Variants in APBB1 observed in about 807,000 individuals in gnomAD.
APBB1 encodes the protein amyloid beta precursor protein binding family B member 1.
In APBB1, 22 loss-of-function variants were observed where a neutral mutation model predicts 78.4. The ratio of observed to expected loss-of-function variants is 0.28; its 90% CI spans 0.20 to 0.40. APBB1 has a LOEUF of 0.40. Ranked by LOEUF, APBB1 falls within the 10% of genes least tolerant of loss-of-function variation. The pLI is 1.00. For synonymous variants in APBB1, 369 were observed against 372.7 expected, an observed-to-expected ratio of 0.99 and a Z score of 0.12; for missense variants, 749 against 932.4, an observed-to-expected ratio of 0.80 and a Z score of 2.56.
In APBB1 at chr11:6,411,060, C is replaced by T. The variant is rs768511013; in HGVS notation, c.288G>A (p.Ala96=). The change falls in exon 2 of 15, where the codon GCG becomes GCA. Residue 96 remains alanine (A), a synonymous_variant. Coordinates refer to ENST00000609360, the MANE Select transcript of APBB1 (RefSeq NM_001164.5). This position sits in a 1 kb window ranked among gnomAD's most constrained non-coding sequence, Gnocchi z 5.2. The part of the protein sequence containing the change: ...DQNRNVTLTL[A]EEASQEPEMA... ...TCTCAGGCTCCTGGCTGGCCTCCTC[C>T]GCCAAGGTCAAGGTCACATTGCGAT... 28 of 1,613,842 alleles carry T rather than the reference C, an allele frequency of 1.7e-5. No homozygotes were observed. Among genetic ancestry groups the T allele is most frequent in the Middle Eastern group, 1.6e-4 (1 of 6,084 alleles).
chr11:6,411,130 C>T lies in APBB1; in HGVS notation c.218G>A (p.Gly73Asp). Residue 73 changes from glycine (G) to aspartate (D), a missense_variant, in exon 2 of 15, where the codon GGC (glycine) becomes GAC (aspartate). Transcript: ENST00000609360. This position sits in a 1 kb window ranked among gnomAD's most constrained non-coding sequence, Gnocchi z 5.2. Reference protein sequence around the residue: ...GPANAKWLKEGQNQLRRAATA... With the variant: ...GPANAKWLKEDQNQLRRAATA... ...GGCGGCCCGCCGGAGCTGGTTCTGGCCCTCTTTTAGCCACTTGGCATTGGC... is the reference window on the plus strand; with the variant it reads ...GGCGGCCCGCCGGAGCTGGTTCTGGTCCTCTTTTAGCCACTTGGCATTGGC... 1 of 1,611,302 alleles carries T rather than the reference C, an allele frequency of 6.2e-7. No homozygotes were observed. Among genetic ancestry groups the T allele is most frequent in the Non-Finnish European group, 8.5e-7 (1 of 1,179,974 alleles).
chr11:6,403,612 C>G lies in APBB1; in HGVS notation c.897+35G>C, dbSNP rs1484061792. ...CTCCAGCAGCACACACTCCCTCCAC[C>G]CCTGGCCCAAAATCAACAGGCCTGT... On this transcript the variant is annotated intron_variant, in intron 3 of 14. Coordinates refer to ENST00000609360, the MANE Select transcript of APBB1 (RefSeq NM_001164.5). This position sits in a 1 kb window ranked among gnomAD's most constrained non-coding sequence, Gnocchi z 5.3. 6.2e-7 allele frequency: 1 copy of G among 1,613,202 alleles called. No individual in the cohort carries two copies. Among genetic ancestry groups the G allele is most frequent in the Admixed American group, 1.7e-5 (1 of 59,980 alleles).
chr11:6,401,864 G>A lies in APBB1; in HGVS notation c.1388+113C>T, dbSNP rs761493238. The A allele has an allele frequency of 4.7e-6, 7 of 1,482,726 alleles. No homozygotes were observed. The highest frequency in any genetic ancestry group is 6.4e-6 in the Non-Finnish European group (7 of 1,087,326). 91.8% of individuals were successfully genotyped at this position (1,482,726 alleles called of 1,614,324 possible). A position where few individuals can be genotyped will look rare whatever the true frequency, so the allele number is the denominator to read the frequency against. On this transcript the variant is annotated intron_variant, in intron 9 of 14. Coordinates refer to ENST00000609360, the MANE Select transcript of APBB1 (RefSeq NM_001164.5). This position sits in a 1 kb window ranked among gnomAD's most constrained non-coding sequence, Gnocchi z 4.5. ...GGGGTAGACAGGCAAGCATGCTGAG[G>A]TGGAGGGTAATGGTGGAGCATAGCG...
At chr11:6,405,114 C>T (rs1848745063) in intron 2 of APBB1, 1 of 1,335,530 alleles carries the variant, frequency 7.5e-7, no homozygotes, top group African/African-American at 1.5e-5. Context: ...GAATCTCCAT[C>T]CCACCCTCCA....
intron 2 of APBB1, chr11:6,405,126 T>C: frequency 2.3e-6 from 3 of 1,302,782 alleles, no homozygotes; most frequent in Non-Finnish European, 2.9e-6. Flanking sequence ...CACCCTCCAG[T>C]GGTTACCTCA....
Position 6,403,091 on chromosome 11 carries a change from G to GT in APBB1, c.1104+53dup. The GT allele has an allele frequency of 6.6e-7, 1 of 1,523,446 alleles. No individual in the cohort carries two copies. Among genetic ancestry groups the GT allele is most frequent in the Admixed American group, 1.9e-5 (1 of 52,158 alleles). 94.4% of individuals were successfully genotyped at this position (1,523,446 alleles called of 1,614,324 possible). A position where few individuals can be genotyped will look rare whatever the true frequency, so the allele number is the denominator to read the frequency against. ...CCCTCAGAGCACAACATTAGGGGCT[G>GT]TCTGACAAATAAGAGGGCCCCAGAC... On this transcript the variant is annotated intron_variant, in intron 6 of 14. Coordinates refer to ENST00000609360, the MANE Select transcript of APBB1 (RefSeq NM_001164.5). The surrounding 1 kb of genome is among the most constrained non-coding windows in gnomAD (Gnocchi z 5.3).
intron 8 of APBB1, 42 bp downstream of exon 8, chr11:6,402,040 C>A: frequency 6.2e-7 from 1 of 1,608,738 alleles, no homozygotes; most frequent in Non-Finnish European, 8.5e-7. Context: ...GACTCTGATG[C>A]TGGATGAACT....
intron 2 of APBB1, chr11:6,405,497 C>T (rs1309505640): frequency 1.0e-6 from 1 of 986,774 alleles, no homozygotes; most frequent in East Asian, 1.1e-4. Context: ...AACCAGGAAT[C>T]CTGACTGGTC....
rs995246760 is a variant in APBB1, at chr11:6,401,125, G to A, written c.1589-53C>T. 2 of 1,613,970 alleles carry A rather than the reference G, an allele frequency of 1.2e-6. No individual in the cohort carries two copies. Among genetic ancestry groups the A allele is most frequent in the African/African-American group, 2.7e-5 (2 of 74,902 alleles). Reference sequence around the variant, plus strand: ...TGGTGGCAGACCTTGCTCACCCGCAGCCCCACCAGCAGGGCATAAGCTGGA... The same window carrying A: ...TGGTGGCAGACCTTGCTCACCCGCAACCCCACCAGCAGGGCATAAGCTGGA... On this transcript the variant is annotated intron_variant, in intron 11 of 14. Coordinates refer to ENST00000609360, the MANE Select transcript of APBB1 (RefSeq NM_001164.5). This position sits in a 1 kb window ranked among gnomAD's most constrained non-coding sequence, Gnocchi z 4.5.
At chr11:6,400,044 T>G (rs1234023939) in intron 12 of APBB1, among the ~76,000 whole-genome samples, 1 of 152,246 alleles carries the variant, frequency 6.6e-6, no homozygotes, top group Non-Finnish European at 1.5e-5. Flanking sequence ...AACGAATAAC[T>G]CACACATTTA....
chr11:6,415,673 G>A (rs1055012458), intron 1 of APBB1, among the ~76,000 whole-genome samples: 1 of 152,160 alleles, frequency 6.6e-6, no homozygotes, highest in African/African-American at 2.4e-5. Flanking sequence ...GATTCACAGA[G>A]GAAAGGGAAG....
rs1337275642 is a variant in APBB1 at position 6,411,057 on chromosome 11, C to T, written c.291G>A (p.Glu97=). ...QNRNVTLTLA[E]EASQEPEMAP... Reference sequence around the variant, plus strand: ...CCATCTCAGGCTCCTGGCTGGCCTCCTCCGCCAAGGTCAAGGTCACATTGC... The same window carrying T: ...CCATCTCAGGCTCCTGGCTGGCCTCTTCCGCCAAGGTCAAGGTCACATTGC... Residue 97 remains glutamate (E), a synonymous_variant, in exon 2 of 15, where the codon GAG becomes GAA. Coordinates refer to ENST00000609360, the MANE Select transcript of APBB1 (RefSeq NM_001164.5). The surrounding 1 kb of genome is among the most constrained non-coding windows in gnomAD (Gnocchi z 5.2). The T allele has an allele frequency of 6.2e-7, 1 of 1,614,020 alleles. No homozygotes were observed. The highest frequency in any genetic ancestry group is 8.5e-7 in the Non-Finnish European group (1 of 1,180,038).
intron 1 of APBB1, among the ~76,000 whole-genome samples, chr11:6,414,106 C>T (rs1398245121): frequency 6.6e-6 from 1 of 152,012 alleles, no homozygotes; most frequent in African/African-American, 2.4e-5. Context: ...TTAAGCCGGC[C>T]TCTATAACCT....
intron 2 of APBB1, chr11:6,405,800 T>C (rs1308552538): frequency 2.2e-5 from 11 of 495,534 alleles, no homozygotes; most frequent in Non-Finnish European, 2.6e-5. Flanking sequence ...ACCTGAAACT[T>C]AGCTGAGGCT....
intron 7 of APBB1, 176 bp downstream of exon 7, chr11:6,402,400 G>A (rs2075583): frequency 1.4e-5 from 15 of 1,076,910 alleles, no homozygotes; most frequent in Non-Finnish European, 1.7e-5. Flanking sequence ...GTTGTTAGGC[G>A]ACTATCTCCC....
Position 6,398,502 on chromosome 11 carries a change from C to T in APBB1, c.1673-2287G>A, listed in dbSNP as rs185851935. ...ATAAAGCAGGAAGTAAGTTTAGAGA[C>T]CACTTGTCCAAGCGGAGCAGTCAAG... On this transcript the variant is annotated intron_variant, in intron 12 of 14. Coordinates refer to ENST00000609360, the MANE Select transcript of APBB1 (RefSeq NM_001164.5). Among the ~76,000 whole-genome samples the T allele has an allele frequency of 3.3e-5, 5 of 152,290 alleles. No homozygotes were observed. The East Asian group carries it at 7.7e-4, about 23-fold the overall frequency.
At chr11:6,409,462 T>TTA (rs1192308547) in intron 2 of APBB1, among the ~76,000 whole-genome samples, 2 of 152,164 alleles carry the variant, frequency 1.3e-5, no homozygotes, top group South Asian at 2.1e-4. Flanking sequence ...GCAAGATTAG[T>TTA]TATGTATTGA....
intron 1 of APBB1, among the ~76,000 whole-genome samples, chr11:6,413,546 T>A (rs965544991): frequency 1.3e-5 from 2 of 152,148 alleles, no homozygotes; most frequent in Non-Finnish European, 2.9e-5. Context: ...AATGGCACGA[T>A]CTCAGCTCAC....
At chr11:6,404,430 T>C (rs1848691747) in intron 2 of APBB1, among the ~76,000 whole-genome samples, 3 of 152,102 alleles carry the variant, frequency 2.0e-5, no homozygotes, top group African/African-American at 7.2e-5. Flanking sequence ...GGTGTGCAGA[T>C]ACCACACCAC....
Sources: allele counts gnomAD v4.1 joint callset (sites outside exome capture counted in the v4.1 genomes callset), GRCh38; gene constraint gnomAD v4.1.1; non-coding constraint Gnocchi (gnomAD v3.1); transcripts MANE v1.5; gene names NCBI Gene and HGNC (gene_info 2026-07-23, HGNC 2026-07-21).